Variants in GAPVD1 observed in about 807,000 individuals in gnomAD.
The protein encoded by GAPVD1 is GTPase activating protein and VPS9 domains 1, also known as GTPase-activating protein and VPS9 domain-containing protein 1.
In GAPVD1, 35 loss-of-function variants were observed where a neutral mutation model predicts 155.5. The observed-to-expected ratio is 0.23, with a 90% CI of 0.17 to 0.30. The LOEUF is 0.30. GAPVD1 is among the 10% of genes least tolerant of loss of function. The probability of loss-of-function intolerance (pLI) is 1.00; values close to 1 mark genes in which losing one functional copy is unlikely to be tolerated. For synonymous variants in GAPVD1, 636 were observed against 619.7 expected (o/e 1.03, Z -0.39); for missense variants, 1,429 against 1,775.7 (o/e 0.80, Z 3.51).
rs115688140 is a variant in GAPVD1 at position 125,288,503 on chromosome 9, G to A, written c.-149-6955G>A. ...TTGTTCTGTGTTATTTCTACCTTTT[G>A]TTTTGAAGCCTCTAATAAGAATATG... is the stretch of plus-strand genomic sequence containing the variant. On this transcript the variant is annotated intron_variant, in intron 2 of 27. Transcript: ENST00000297933. Among the ~76,000 whole-genome samples the A allele has an allele frequency of 4.2e-3, 633 of 152,176 alleles. 5 individuals carry two copies. The highest frequency in any genetic ancestry group is 0.01 in the Middle Eastern group (3 of 294).
rs936618629 is a variant in GAPVD1 at position 125,362,913 on chromosome 9, G to A, written c.*167G>A. On this transcript the variant is annotated 3_prime_UTR_variant, in exon 28 of 28. Transcript: ENST00000297933. Reference sequence around the variant, plus strand: ...AACAGGTTAATGAGCTAACAAGCAGGTTCTCTCGTCTTTGGGCTCTTTCCT... The same window carrying A: ...AACAGGTTAATGAGCTAACAAGCAGATTCTCTCGTCTTTGGGCTCTTTCCT... 1.8e-5 allele frequency: 8 copies of A among 451,768 alleles called. No homozygotes were observed. In the East Asian group the frequency reaches 2.3e-4, roughly 13 times the overall value. The allele number at this position is 451,768 out of a possible 1,614,324, so 28.0% of individuals were successfully genotyped here. A position where few individuals can be genotyped will look rare whatever the true frequency, so the allele number is the denominator to read the frequency against.
chr9:125,322,758 A>G (rs1381999125), intron 10 of GAPVD1, among the ~76,000 whole-genome samples: 1 of 152,022 alleles, frequency 6.6e-6, no homozygotes, highest in Admixed American at 6.6e-5. Flanking sequence ...CTTTTTGGAC[A>G]TAATAACTTC....
intron 4 of GAPVD1, among the ~76,000 whole-genome samples, chr9:125,300,165 T>C (rs1840639965): frequency 7.1e-6 from 1 of 141,060 alleles, no homozygotes. Context: ...TCTTAATACC[T>C]ACGAAGAACA....
intron 2 of GAPVD1, among the ~76,000 whole-genome samples, chr9:125,285,453 G>GTTTTTTTTTTTTTTTTTTTTTTTTT (rs10659223): frequency 1.1e-5 from 1 of 94,686 alleles, no homozygotes; most frequent in African/African-American, 4.2e-5. Context: ...TTTTTTCTTT[G>GTTTTTTTTTTTTTTTTTTTTTTTTT]TTTTTTTTTT....
Position 125,362,855 on chromosome 9 carries a change from C to G in GAPVD1, c.*109C>G. On this transcript the variant is annotated 3_prime_UTR_variant, in exon 28 of 28. Coordinates refer to ENST00000297933, the MANE Select transcript of GAPVD1 (RefSeq NM_001282680.3). ...GAAGATTGTTTTGTATGATACTGCA[C>G]AGCATCAGGCATTTTAAAGCAGATC... 1.2e-6 allele frequency: 1 copy of G among 863,264 alleles called. No homozygotes were observed. The allele number at this position is 863,264 out of a possible 1,614,324, so 53.5% of individuals were successfully genotyped here.
At chr9:125,270,906 G>A (rs952925236) in intron 2 of GAPVD1, among the ~76,000 whole-genome samples, 10 of 152,162 alleles carry the variant, frequency 6.6e-5, no homozygotes, top group African/African-American at 2.2e-4. Flanking sequence ...CCGAGATCGT[G>A]CCATTGCACT....
chr9:125,348,770 C>G, intron 20 of GAPVD1, among the ~76,000 whole-genome samples: 1 of 152,300 alleles, frequency 6.6e-6, no homozygotes, highest in South Asian at 2.1e-4. Context: ...CCAAAGCCTC[C>G]CAAAGTGCTG....
intron 3 of GAPVD1, among the ~76,000 whole-genome samples, chr9:125,298,672 A>G (rs534732811): frequency 6.6e-5 from 10 of 151,848 alleles, no homozygotes; most frequent in African/African-American, 2.2e-4. Context: ...GTGTTTTAGT[A>G]GAGACAGGGG....
intron 12 of GAPVD1, 147 bp downstream of exon 12, chr9:125,326,736 T>A: frequency 1.9e-6 from 1 of 522,698 alleles, no homozygotes; most frequent in Non-Finnish European, 3.3e-6. Flanking sequence ...GAACAAGGCA[T>A]TTGGGTACTT....
chr9:125,321,082 A>G (rs1008072495), intron 9 of GAPVD1, among the ~76,000 whole-genome samples: 3 of 152,192 alleles, frequency 2.0e-5, no homozygotes, highest in Admixed American at 6.6e-5. Flanking sequence ...GAGAATTTCA[A>G]TAACTTGCCT....
At chr9:125,326,670 G>A in intron 12 of GAPVD1, 81 bp downstream of exon 12, 1 of 947,850 alleles carries the variant, frequency 1.1e-6, no homozygotes, top group Non-Finnish European at 1.7e-6. Flanking sequence ...GAGCACCAGT[G>A]CCCTGACAAA....
At chr9:125,334,951 T>G (rs550525007) in intron 15 of GAPVD1, among the ~76,000 whole-genome samples, 4 of 152,348 alleles carry the variant, frequency 2.6e-5, no homozygotes, top group African/African-American at 9.6e-5. Flanking sequence ...TTTCTGTTGT[T>G]TAAAGACTTT....
rs1379765442 is a variant in GAPVD1 at position 125,263,449 on chromosome 9, AAAAAC to A, written c.-199+1505_-199+1509del. 30 of 577,310 alleles carry A rather than the reference AAAAAC, an allele frequency of 5.2e-5. No individual in the cohort carries two copies. The Admixed American group carries it at 6.2e-4, about 12-fold the overall frequency. 35.8% of individuals were successfully genotyped at this position (577,310 alleles called of 1,614,324 possible). ...GGCAACAGAGCGAGACTCCGTCTCA[AAAAAC>A]AAAACAAAACAAAAAAACTCCTGAA... On this transcript the variant is annotated intron_variant, in intron 1 of 27. Coordinates refer to ENST00000297933, the MANE Select transcript of GAPVD1 (RefSeq NM_001282680.3).
chr9:125,334,648 C>T (rs1381519555), intron 15 of GAPVD1, among the ~76,000 whole-genome samples: 1 of 151,998 alleles, frequency 6.6e-6, no homozygotes, highest in South Asian at 2.1e-4. Flanking sequence ...ACCTGTGATC[C>T]CAGCACTTCG....
Position 125,354,748 on chromosome 9 carries a change from C to T in GAPVD1, c.3664C>T (p.Arg1222Trp), listed in dbSNP as rs759402634. ...GGAAAGGCTATTGCAAAGAGTTTTG[C>T]GGGACAAAGAAGTGGCCAATCGATA... ...HLERLLQRVL[R>W]DKEVANRYFT... The change falls in exon 24 of 28, where the codon CGG becomes TGG. Residue 1222 changes from arginine to tryptophan, a missense_variant. Transcript: ENST00000297933. The T allele has an allele frequency of 3.7e-6, 6 of 1,613,036 alleles. No homozygotes were observed. The highest frequency in any genetic ancestry group is 4.5e-5 in the East Asian group (2 of 44,876).
At chr9:125,278,403 C>A (rs975129528) in intron 2 of GAPVD1, among the ~76,000 whole-genome samples, 4 of 152,118 alleles carry the variant, frequency 2.6e-5, no homozygotes, top group African/African-American at 9.7e-5. Context: ...TGCTGGTAAT[C>A]CCAGGTACTC....
rs41305471 is a variant in GAPVD1, at chr9:125,323,822, T to C, written c.1757T>C (p.Val586Ala). 5,844 of 1,613,532 alleles carry C rather than the reference T, an allele frequency of 3.6e-3. 20 individuals carry two copies. Among genetic ancestry groups the C allele is most frequent in the Non-Finnish European group, 4.8e-3 (5,611 of 1,179,470 alleles). The change falls in exon 11 of 28, where the codon GTG (valine) becomes GCG (alanine). Residue 586 changes from valine to alanine, a missense_variant. By Grantham distance (64) the Val-to-Ala change is moderately conservative. Transcript: ENST00000297933. ...GGTCCTTCAAATCGCTCCAATTCAG[T>C]GTCCTCCCTAGACCTAGAAGGAGAG... is the stretch of plus-strand genomic sequence containing the variant. ...SEGPSNRSNS[V>A]SSLDLEGESV...
At chr9:125,267,190 G>A (rs399194) in intron 1 of GAPVD1, among the ~76,000 whole-genome samples, 145 of 152,296 alleles carry the variant, frequency 9.5e-4, no homozygotes, top group African/African-American at 3.4e-3. Flanking sequence ...ATTTTGCCAT[G>A]TTTACTTTAC....
At chr9:125,317,539 C>T (rs934200881) in intron 9 of GAPVD1, among the ~76,000 whole-genome samples, 2 of 149,834 alleles carry the variant, frequency 1.3e-5, no homozygotes, top group African/African-American at 2.5e-5. Context: ...GTAGGAGAAT[C>T]GCTTGAACTT....
Sources: gnomAD v4.1 joint callset for allele counts (sites outside exome capture counted in the v4.1 genomes callset) on GRCh38, gnomAD v4.1.1 for gene constraint, MANE v1.5 for transcripts, NCBI Gene and HGNC (gene_info 2026-07-23, HGNC 2026-07-21) for gene names.